Variants in PTPN4 observed in about 807,000 individuals in gnomAD.
PTPN4 encodes the protein tyrosine-protein phosphatase non-receptor type 4.
A neutral mutation model predicts 135.5 loss-of-function variants in PTPN4; 49 were observed. The observed-to-expected ratio is 0.36, with a 90% CI of 0.29 to 0.46. The LOEUF (loss-of-function observed/expected upper bound fraction) is 0.46, where lower values mean the gene tolerates loss of function less well. PTPN4 is among the 20% of genes least tolerant of loss of function. The pLI, the probability that PTPN4 is intolerant of heterozygous loss-of-function variation, is 1.00. For missense variants in PTPN4, 860 were observed against 1,101.0 expected, an observed-to-expected ratio of 0.78 and a Z score of 3.10; for synonymous variants, 333 against 369.9, an observed-to-expected ratio of 0.90 and a Z score of 1.14.
At chr2:119,976,877 A>G (rs879257455) in intron 26 of PTPN4, 107 bp from the exon 27 acceptor site, 431 of 1,489,676 alleles carry the variant, frequency 2.9e-4, no homozygotes, top group Non-Finnish European at 3.1e-4. Flanking sequence ...TTTGTTTTGC[A>G]TTTTTTAAGT....
intron 1 of PTPN4, among the ~76,000 whole-genome samples, chr2:119,777,056 A>G (rs1267979039): frequency 6.6e-6 from 1 of 152,206 alleles, no homozygotes; most frequent in Non-Finnish European, 1.5e-5. Context: ...TACTGTGGCC[A>G]AAAAAGCCCT....
At chr2:119,955,442 A>G (rs1679266063) in intron 20 of PTPN4, 119 bp downstream of exon 20, 22 of 912,416 alleles carry the variant, frequency 2.4e-5, no homozygotes, top group Non-Finnish European at 3.2e-5. Flanking sequence ...ATTCTGAGAA[A>G]TGTTTGACAT....
At chr2:119,764,170 C>T (rs893665430) in intron 1 of PTPN4, among the ~76,000 whole-genome samples, 10 of 152,182 alleles carry the variant, frequency 6.6e-5, no homozygotes, top group African/African-American at 2.4e-4. Flanking sequence ...GTATAAAGCA[C>T]ACATAAAGGA....
intron 1 of PTPN4, among the ~76,000 whole-genome samples, chr2:119,761,690 C>G (rs924209514): frequency 3.3e-5 from 5 of 152,064 alleles, no homozygotes; most frequent in African/African-American, 1.2e-4. Flanking sequence ...ACGCACGGTC[C>G]CATAGTATCA....
intron 1 of PTPN4, among the ~76,000 whole-genome samples, chr2:119,766,443 T>TGC (rs145798313): frequency 0.034 from 3,757 of 109,774 alleles, 84 homozygotes; most frequent in Middle Eastern, 0.066. Context: ...TATGCGCATG[T>TGC]GCGCGCGTGT....
rs544993779 is a variant in PTPN4, at chr2:119,879,408, G to A, written c.368+1866G>A. 1.0e-3 allele frequency among the ~76,000 whole-genome samples: 153 copies of A among 152,304 alleles called. 1 individual carries two copies. The highest frequency in any genetic ancestry group is 2.0e-3 in the Non-Finnish European group (135 of 68,030). ...AGACCCTTTTATAATGGAATGTTAT[G>A]GAATCTTATAACTGGTATTGTTTGG... is the stretch of plus-strand genomic sequence containing the variant. On this transcript the variant is annotated intron_variant, in intron 5 of 26. Transcript: ENST00000263708.
intron 3 of PTPN4, among the ~76,000 whole-genome samples, chr2:119,870,334 T>C (rs987569829): frequency 2.0e-5 from 3 of 152,158 alleles, no homozygotes; most frequent in Non-Finnish European, 4.4e-5. Context: ...CAGGAAGATA[T>C]AATAGAAATT....
chr2:119,879,763 C>T (rs1055470210), intron 5 of PTPN4, among the ~76,000 whole-genome samples: 10 of 152,134 alleles, frequency 6.6e-5, no homozygotes, highest in African/African-American at 2.2e-4. Context: ...CTAGTTTAGA[C>T]CCCAGGAAAC....
At chr2:119,857,987 C>T (rs538388342) in intron 2 of PTPN4, among the ~76,000 whole-genome samples, 3 of 152,306 alleles carry the variant, frequency 2.0e-5, no homozygotes, top group Admixed American at 1.3e-4. Flanking sequence ...TATGCGAGTT[C>T]TTGCTCAGTT....
intron 12 of PTPN4, among the ~76,000 whole-genome samples, chr2:119,922,626 T>G (rs1311362853): frequency 6.6e-6 from 1 of 152,194 alleles, no homozygotes; most frequent in Non-Finnish European, 1.5e-5. Context: ...GAGGGATATA[T>G]CTCTGTAGTT....
At chr2:119,789,436 A>G (rs1390791677) in intron 1 of PTPN4, among the ~76,000 whole-genome samples, 1 of 152,152 alleles carries the variant, frequency 6.6e-6, no homozygotes, top group Non-Finnish European at 1.5e-5. Context: ...GATGAAGTCC[A>G]ATTTATCTGT....
At chr2:119,826,602 A>T (rs1370754567) in intron 2 of PTPN4, among the ~76,000 whole-genome samples, 2 of 152,202 alleles carry the variant, frequency 1.3e-5, no homozygotes, top group Non-Finnish European at 2.9e-5. Context: ...TCCTTACAAT[A>T]CACAGTACAA....
chr2:119,937,468 G>A (rs1678999431), intron 15 of PTPN4, among the ~76,000 whole-genome samples: 1 of 152,126 alleles, frequency 6.6e-6, no homozygotes, highest in Non-Finnish European at 1.5e-5. Context: ...AAGTAAAGGA[G>A]ACCACAGTCT....
chr2:119,814,941 C>T (rs867643117), intron 2 of PTPN4, among the ~76,000 whole-genome samples: 2 of 152,164 alleles, frequency 1.3e-5, no homozygotes, highest in South Asian at 2.1e-4. Context: ...ATTTTGAAAT[C>T]CTTTTTTTCT....
At chr2:119,775,085 T>G (rs1690807151) in intron 1 of PTPN4, among the ~76,000 whole-genome samples, 1 of 100,274 alleles carries the variant, frequency 1.0e-5, no homozygotes. Context: ...CAGATGAAGG[T>G]GCCCTATTCT....
chr2:119,961,001 A>G (rs981037270), intron 23 of PTPN4, 48 bp downstream of exon 23: 3 of 1,564,670 alleles, frequency 1.9e-6, no homozygotes, highest in East Asian at 2.3e-5. Flanking sequence ...TTTTCAAATT[A>G]TACTGCACAT....
In PTPN4 at chr2:119,955,328, G is replaced by A; in HGVS notation, c.1980+5G>A. On this transcript the variant is annotated splice_donor_5th_base_variant and intron_variant, in intron 20 of 26. Transcript: ENST00000263708. Reference sequence around the variant, plus strand: ...ACAGTCCTGACACAGTTTGATGTAAGTAATATCATTATATATTAAAAGCAT... The same window carrying A: ...ACAGTCCTGACACAGTTTGATGTAAATAATATCATTATATATTAAAAGCAT... 1 of 1,562,620 alleles carries A rather than the reference G, an allele frequency of 6.4e-7. No homozygotes were observed. Among genetic ancestry groups the A allele is most frequent in the Non-Finnish European group, 8.6e-7 (1 of 1,157,612 alleles).
intron 18 of PTPN4, among the ~76,000 whole-genome samples, chr2:119,950,767 CT>C (rs1002822369): frequency 5.6e-4 from 86 of 152,222 alleles, no homozygotes; most frequent in African/African-American, 2.0e-3. Context: ...ATTTCTATTT[CT>C]TTTGTCTCTT....
At chr2:119,766,499 T>C (rs1690632824) in intron 1 of PTPN4, among the ~76,000 whole-genome samples, 1 of 147,184 alleles carries the variant, frequency 6.8e-6, no homozygotes, top group African/African-American at 2.6e-5. Flanking sequence ...TGTGTGTGTG[T>C]GTGTGTGTGT....
Sources: allele counts gnomAD v4.1 joint callset (sites outside exome capture counted in the v4.1 genomes callset), GRCh38; gene constraint gnomAD v4.1.1; transcripts MANE v1.5; gene names NCBI Gene and HGNC (gene_info 2026-07-23, HGNC 2026-07-21).